Variants in NUMB observed in about 807,000 individuals in gnomAD.
NUMB encodes the protein protein numb homolog.
A neutral mutation model predicts 59.7 loss-of-function variants in NUMB; 29 were observed. The observed-to-expected ratio is 0.49, with a 90% CI of 0.36 to 0.66. The LOEUF (loss-of-function observed/expected upper bound fraction) is 0.66. NUMB is among the 30% of genes least tolerant of loss of function. The pLI is 0.00. For missense variants in NUMB, 723 were observed against 822.0 expected (o/e 0.88, Z 1.47); for synonymous variants, 288 against 288.2 (o/e 1.00, Z 0.01).
At chr14:73,314,038 T>C (rs1890940752) in intron 6 of NUMB, among the ~76,000 whole-genome samples, 1 of 152,054 alleles carries the variant, frequency 6.6e-6, no homozygotes, top group South Asian at 2.1e-4. Flanking sequence ...CCGTCTCTAC[T>C]AAAAAAGACG....
intron 4 of NUMB, among the ~76,000 whole-genome samples, chr14:73,352,892 A>G (rs902667640): frequency 6.6e-6 from 1 of 150,744 alleles, no homozygotes; most frequent in Non-Finnish European, 1.5e-5. Context: ...TGTTTCCCTC[A>G]CAAGAAGACT....
At chr14:73,339,165 T>C (rs1388986043) in intron 4 of NUMB, among the ~76,000 whole-genome samples, 1 of 152,236 alleles carries the variant, frequency 6.6e-6, no homozygotes, top group Non-Finnish European at 1.5e-5. Context: ...CTTCTTTATA[T>C]ACTTAATTAT....
intron 2 of NUMB, among the ~76,000 whole-genome samples, chr14:73,377,996 CACACACACACACACACACACACAT>C (rs1002668339): frequency 1.7e-5 from 1 of 58,200 alleles, no homozygotes; most frequent in Non-Finnish European, 2.6e-5. Flanking sequence ...TATACACATA[CACACACACACACACACACACACAT>C]ACACACACAC....
At chr14:73,457,251 A>G (rs1345544578) in intron 1 of NUMB, among the ~76,000 whole-genome samples, 2 of 151,920 alleles carry the variant, frequency 1.3e-5, no homozygotes, top group African/African-American at 4.8e-5. Flanking sequence ...TCCCTCCCAA[A>G]TTCCCCACCC....
intron 2 of NUMB, among the ~76,000 whole-genome samples, chr14:73,389,193 C>T (rs1002127596): frequency 2.2e-4 from 32 of 144,952 alleles, no homozygotes; most frequent in African/African-American, 7.6e-4. Context: ...ATCGTTTGAA[C>T]CCGGGAGTCT....
intron 1 of NUMB, among the ~76,000 whole-genome samples, chr14:73,446,922 C>T (rs1336017164): frequency 1.3e-5 from 2 of 152,110 alleles, no homozygotes; most frequent in African/African-American, 2.4e-5. Flanking sequence ...GGCGCAGTGG[C>T]TCACGCCTGT....
chr14:73,397,651 ATT>A (rs1295652022), intron 2 of NUMB, among the ~76,000 whole-genome samples: 1 of 152,178 alleles, frequency 6.6e-6, no homozygotes, highest in Admixed American at 6.6e-5. Flanking sequence ...GTCTTCCTGT[ATT>A]TTCTTAATTG....
chr14:73,293,382 C>T (rs562589349), intron 7 of NUMB, among the ~76,000 whole-genome samples: 3 of 145,486 alleles, frequency 2.1e-5, no homozygotes, highest in African/African-American at 5.1e-5. Context: ...AATTTCCACT[C>T]GTTTCTTTTT....
intron 2 of NUMB, among the ~76,000 whole-genome samples, chr14:73,386,301 T>C (rs1244835715): frequency 1.3e-5 from 2 of 152,182 alleles, no homozygotes; most frequent in Non-Finnish European, 2.9e-5. Flanking sequence ...AACAGATATA[T>C]AGCTTTTAAT....
intron 4 of NUMB, among the ~76,000 whole-genome samples, chr14:73,326,023 T>G (rs1019703341): frequency 9.2e-5 from 14 of 152,028 alleles, no homozygotes; most frequent in African/African-American, 3.4e-4. Flanking sequence ...TTCATGGTAG[T>G]GCAGGCCAAC....
chr14:73,373,316 T>A lies in NUMB; in HGVS notation c.-100-6335A>T, dbSNP rs374734660. On this transcript the variant is annotated intron_variant, in intron 2 of 12. Transcript: ENST00000555238. ...TGCTCCCTGTAGTGATGCCACAAGGTGCAAGGGCAGGACCCAGTAGGTAGA... is the reference window on the plus strand; with the variant it reads ...TGCTCCCTGTAGTGATGCCACAAGGAGCAAGGGCAGGACCCAGTAGGTAGA... Among the ~76,000 whole-genome samples, 32 of 152,326 alleles carry A rather than the reference T, an allele frequency of 2.1e-4. No individual in the cohort carries two copies. In the South Asian group the frequency reaches 6.6e-3, roughly 32 times the overall value.
chr14:73,350,730 T>C (rs1893204402), intron 4 of NUMB, among the ~76,000 whole-genome samples: 1 of 147,160 alleles, frequency 6.8e-6, no homozygotes, highest in Admixed American at 7.0e-5. Flanking sequence ...GGTCTCACCA[T>C]GTTGCCCAGG....
rs898200687 is a variant in NUMB at position 73,413,977 on chromosome 14, CAG to C, written c.-232-3911_-232-3910del. 3.6e-5 allele frequency among the ~76,000 whole-genome samples: 5 copies of C among 140,394 alleles called. No homozygotes were observed. The Admixed American group carries it at 3.7e-4, about 10-fold the overall frequency. 92.1% of individuals were successfully genotyped at this position (140,394 alleles called of 152,430 possible). A position where few individuals can be genotyped will look rare whatever the true frequency, so the allele number is the denominator to read the frequency against. ...TTTTCTTTTTTTTTTTTTTTTGATA[CAG>C]AGTCTCACTCTGTCACCCAGGCTGG... is the stretch of plus-strand genomic sequence containing the variant. On this transcript the variant is annotated intron_variant, in intron 1 of 12. Transcript: ENST00000555238.
Position 73,316,419 on chromosome 14 carries a change from T to C in NUMB, c.205A>G (p.Arg69Gly). 2 of 1,613,728 alleles carry C rather than the reference T, an allele frequency of 1.2e-6. No homozygotes were observed. Among genetic ancestry groups the C allele is most frequent in the Non-Finnish European group, 1.7e-6 (2 of 1,179,808 alleles). The change falls in exon 6 of 13, where the codon AGG becomes GGG. Residue 69 changes from arginine to glycine, a missense_variant. Physicochemically the swap from Arg to Gly is moderately radical, Grantham distance 125. Coordinates refer to ENST00000555238, the MANE Select transcript of NUMB (RefSeq NM_001005743.2). ...EDAVKRLKAE[R>G]KFFKGFFGKT... ...CCAAAGAAGCCTTTGAAGAACTTCCTTTCCTGGAGGAACAGGGGGACAAGT... is the reference window on the plus strand; with the variant it reads ...CCAAAGAAGCCTTTGAAGAACTTCCCTTCCTGGAGGAACAGGGGGACAAGT...
intron 2 of NUMB, among the ~76,000 whole-genome samples, chr14:73,370,143 TAA>T (rs1429161281): frequency 6.6e-6 from 1 of 151,896 alleles, no homozygotes; most frequent in Admixed American, 6.6e-5. Flanking sequence ...GTGGGACCAT[TAA>T]GAGATAATTA....
chr14:73,449,394 T>C (rs1344961069), intron 1 of NUMB, among the ~76,000 whole-genome samples: 3 of 152,186 alleles, frequency 2.0e-5, no homozygotes, highest in Non-Finnish European at 2.9e-5. Context: ...AGATTACTTA[T>C]TAATATAATA....
At chr14:73,395,092 T>TGTGTGTGTGTGTGTGTGTG (rs1896064910) in intron 2 of NUMB, among the ~76,000 whole-genome samples, 4 of 141,748 alleles carry the variant, frequency 2.8e-5, no homozygotes, top group East Asian at 2.0e-4. Context: ...TGTGTGTGTG[T>TGTGTGTGTGTGTGTGTGTG]TACATGTGGC....
chr14:73,425,417 G>A (rs971052679), intron 1 of NUMB, among the ~76,000 whole-genome samples: 4 of 152,150 alleles, frequency 2.6e-5, no homozygotes, highest in African/African-American at 9.6e-5. Context: ...ATGTTGCCCA[G>A]GCTGGTTTTG....
chr14:73,401,987 T>C (rs1896439567), intron 2 of NUMB, among the ~76,000 whole-genome samples: 1 of 152,132 alleles, frequency 6.6e-6, no homozygotes. Context: ...TCAGCCTTCG[T>C]GAGTAGCTAG....
Sources: gnomAD v4.1 joint callset for allele counts (sites outside exome capture counted in the v4.1 genomes callset) on GRCh38, gnomAD v4.1.1 for gene constraint, MANE v1.5 for transcripts, NCBI Gene and HGNC (gene_info 2026-07-23, HGNC 2026-07-21) for gene names.